Variants in SYT2 observed in about 807,000 individuals in gnomAD.
SYT2 encodes the protein synaptotagmin 2, also known as synaptotagmin-2.
In SYT2, 15 loss-of-function variants were observed where a neutral mutation model predicts 39.9. That is an observed-to-expected ratio of 0.38 (90% confidence interval 0.25 to 0.58). The LOEUF (loss-of-function observed/expected upper bound fraction) is 0.58. Ranked by LOEUF, SYT2 falls within the 20% of genes least tolerant of loss-of-function variation. SYT2 has a pLI of 0.70. For synonymous variants in SYT2, 181 were observed against 204.5 expected (o/e 0.89, Z 0.98); for missense variants, 389 against 530.3 (o/e 0.73, Z 2.62).
intron 1 of SYT2, among the ~76,000 whole-genome samples, chr1:202,608,565 C>T (rs556852943): frequency 4.6e-5 from 7 of 152,264 alleles, no homozygotes; most frequent in South Asian, 2.1e-4. Flanking sequence ...CATGAGCCAC[C>T]GCACCTTGCC....
intron 1 of SYT2, among the ~76,000 whole-genome samples, chr1:202,661,517 C>T (rs921621954): frequency 1.3e-5 from 2 of 152,212 alleles, no homozygotes; most frequent in Non-Finnish European, 2.9e-5. Context: ...CCCCCAAACA[C>T]GGTGTCAGGC....
chr1:202,703,452 C>T (rs2149122444), intron 1 of SYT2, among the ~76,000 whole-genome samples: 1 of 152,234 alleles, frequency 6.6e-6, no homozygotes, highest in Non-Finnish European at 1.5e-5. Context: ...GGTACCCTCT[C>T]CTGTCTCTCA....
At chr1:202,671,385 C>T (rs1572670312) in intron 1 of SYT2, among the ~76,000 whole-genome samples, 1 of 152,200 alleles carries the variant, frequency 6.6e-6, no homozygotes, top group African/African-American at 2.4e-5. Flanking sequence ...CGGAGAGACC[C>T]ATTTTTAGCG....
chr1:202,661,938 G>A (rs913371264), intron 1 of SYT2, among the ~76,000 whole-genome samples: 1 of 152,220 alleles, frequency 6.6e-6, no homozygotes, highest in African/African-American at 2.4e-5. Flanking sequence ...TACCAGGGCT[G>A]TGCTAGTCAC....
chr1:202,637,616 C>A (rs1339516334), intron 1 of SYT2, among the ~76,000 whole-genome samples: 1 of 152,116 alleles, frequency 6.6e-6, no homozygotes, highest in Non-Finnish European at 1.5e-5. Flanking sequence ...CAGGCTCCGT[C>A]TGCCCCACTG....
chr1:202,659,745 G>C (rs1692344959), intron 1 of SYT2, among the ~76,000 whole-genome samples: 1 of 152,160 alleles, frequency 6.6e-6, no homozygotes, highest in South Asian at 2.1e-4. Context: ...GGCACAGATG[G>C]TTCTAGCTTA....
chr1:202,626,450 C>T (rs1348219956), intron 1 of SYT2, among the ~76,000 whole-genome samples: 3 of 141,996 alleles, frequency 2.1e-5, no homozygotes, highest in Non-Finnish European at 3.0e-5. Flanking sequence ...ACTCTGTCAC[C>T]CAGGCTGGAG....
chr1:202,638,820 T>G (rs899913044), intron 1 of SYT2, among the ~76,000 whole-genome samples: 1 of 152,252 alleles, frequency 6.6e-6, no homozygotes, highest in Non-Finnish European at 1.5e-5. Flanking sequence ...GGGCAAATAT[T>G]GACTTTCTTT....
intron 1 of SYT2, among the ~76,000 whole-genome samples, chr1:202,662,929 C>T (rs4950864): frequency 0.071 from 10,800 of 152,230 alleles, 559 homozygotes; most frequent in Non-Finnish European, 0.1. Flanking sequence ...GTGACTGGGG[C>T]TTGGAAGGGG....
intron 1 of SYT2, among the ~76,000 whole-genome samples, chr1:202,708,609 T>C (rs1222003751): frequency 6.6e-6 from 1 of 151,484 alleles, no homozygotes; most frequent in South Asian, 2.1e-4. Flanking sequence ...TGGGTTGGAG[T>C]TGGACTCCCT....
chr1:202,681,744 C>T (rs1653531646), intron 1 of SYT2, among the ~76,000 whole-genome samples: 1 of 152,228 alleles, frequency 6.6e-6, no homozygotes, highest in African/African-American at 2.4e-5. Flanking sequence ...CATCCCCACT[C>T]CCCTGCCAGT....
chr1:202,684,001 CTATT>C (rs1653594445), intron 1 of SYT2, among the ~76,000 whole-genome samples: 2 of 151,582 alleles, frequency 1.3e-5, no homozygotes, highest in African/African-American at 2.4e-5. Flanking sequence ...ATCATATTAA[CTATT>C]TATGTTATAT....
At chr1:202,649,347 T>G (rs1215933529) in intron 1 of SYT2, among the ~76,000 whole-genome samples, 1 of 152,186 alleles carries the variant, frequency 6.6e-6, no homozygotes, top group Non-Finnish European at 1.5e-5. Flanking sequence ...CTGGAGTTAA[T>G]GAGATTCAAG....
intron 1 of SYT2, among the ~76,000 whole-genome samples, chr1:202,649,393 T>C (rs1692150928): frequency 6.6e-6 from 1 of 152,214 alleles, no homozygotes; most frequent in Non-Finnish European, 1.5e-5. Context: ...CTGACAGCAA[T>C]GGTGATAGGA....
chr1:202,665,350 G>C (rs551510810), intron 1 of SYT2, among the ~76,000 whole-genome samples: 7 of 152,194 alleles, frequency 4.6e-5, no homozygotes, highest in Non-Finnish European at 1.0e-4. Context: ...TTCCCTTTCA[G>C]TGACATTCAT....
intron 1 of SYT2, among the ~76,000 whole-genome samples, chr1:202,706,035 T>C (rs1223957764): frequency 6.6e-6 from 1 of 152,066 alleles, no homozygotes; most frequent in Non-Finnish European, 1.5e-5. Flanking sequence ...CCAGCCTCTC[T>C]AGGGGAGGGG....
chr1:202,640,228 A>G (rs12091791), intron 1 of SYT2, among the ~76,000 whole-genome samples: 7,735 of 151,152 alleles, frequency 0.051, 369 homozygotes, highest in African/African-American at 0.12. Flanking sequence ...AACGACTCCA[A>G]CAAACCTCCC....
At chr1:202,607,295 C>T (rs1454891680) in intron 1 of SYT2, among the ~76,000 whole-genome samples, 1 of 152,192 alleles carries the variant, frequency 6.6e-6, no homozygotes, top group East Asian at 1.9e-4. Flanking sequence ...AACATAGCAG[C>T]ATACACCCAC....
intron 1 of SYT2, among the ~76,000 whole-genome samples, chr1:202,606,044 C>G (rs1165434216): frequency 6.6e-6 from 1 of 151,636 alleles, no homozygotes; most frequent in Admixed American, 6.6e-5. Context: ...GATAGAGGAT[C>G]ACTTGAGTCC....
Sources: gnomAD v4.1 joint callset for allele counts (sites outside exome capture counted in the v4.1 genomes callset) on GRCh38, gnomAD v4.1.1 for gene constraint, MANE v1.5 for transcripts, NCBI Gene and HGNC (gene_info 2026-07-23, HGNC 2026-07-21) for gene names.